RMST: variants seen among roughly 807,000 people sequenced by gnomAD.
The protein encoded by RMST is long intergenic non-protein coding RNA 54.
At chr12:97,513,351 A>G (rs1592716276) in intron 10 of RMST, among the ~76,000 whole-genome samples, 2 of 152,350 alleles carry the variant, frequency 1.3e-5, no homozygotes, top group Middle Eastern at 6.8e-3. Flanking sequence ...AGTTTCATGA[A>G]TAGAGAATGG....
At chr12:97,561,138 C>T (rs1445090385) in intron 13 of RMST, 1 of 152,194 alleles carries the variant, frequency 6.6e-6, no homozygotes, top group Admixed American at 6.5e-5. Flanking sequence ...TATTTCCTAA[C>T]TAAAGAGTGC....
chr12:97,488,200 A>G (rs1876341091), intron 5 of RMST, among the ~76,000 whole-genome samples: 1 of 152,176 alleles, frequency 6.6e-6, no homozygotes, highest in South Asian at 2.1e-4. Context: ...CCTGGCCAAC[A>G]TGGCGAAACC....
intron 11 of RMST, chr12:97,533,689 C>G (rs1489850070): frequency 3.3e-5 from 5 of 151,660 alleles, no homozygotes; most frequent in Admixed American, 3.3e-4. Flanking sequence ...GTCTTAGGTC[C>G]CACCACATAG....
intron 10 of RMST, among the ~76,000 whole-genome samples, chr12:97,512,492 G>C (rs566389732): frequency 6.6e-6 from 1 of 152,138 alleles, no homozygotes; most frequent in Non-Finnish European, 1.5e-5. Flanking sequence ...TGATTGGTGC[G>C]TTTACAATCC....
At chr12:97,525,220 T>C (rs1880967990) in intron 10 of RMST, among the ~76,000 whole-genome samples, 2 of 152,232 alleles carry the variant, frequency 1.3e-5, no homozygotes, top group Admixed American at 1.3e-4. Context: ...ACCAACATTT[T>C]GATGTTTATT....
At chr12:97,512,322 G>C (rs1468681153) in intron 10 of RMST, among the ~76,000 whole-genome samples, 2 of 152,186 alleles carry the variant, frequency 1.3e-5, no homozygotes, top group Non-Finnish European at 2.9e-5. Context: ...GCAGCAGCAA[G>C]ATTTATTGCA....
intron 10 of RMST, among the ~76,000 whole-genome samples, chr12:97,528,861 A>T (rs546192654): frequency 6.6e-6 from 1 of 152,192 alleles, no homozygotes; most frequent in African/African-American, 2.4e-5. Context: ...ATGATAATGG[A>T]TGGGATAGAA....
At chr12:97,497,381 T>C (rs1432116020) in intron 10 of RMST, among the ~76,000 whole-genome samples, 1 of 152,164 alleles carries the variant, frequency 6.6e-6, no homozygotes, top group Non-Finnish European at 1.5e-5. Flanking sequence ...TTTGGGCCCA[T>C]GAGGAATTTT....
rs78745995 is a variant in RMST, at chr12:97,493,650, C to T, written n.900-225C>T. On this transcript the variant is annotated intron_variant and non_coding_transcript_variant, in intron 7 of 13. Coordinates refer to ENST00000640149, the Ensembl canonical transcript of RMST. ...ACCTATAACCAAGAATGCAGCAACC[C>T]GTCAGTTTCCAAGAAAAAGCATATT... is the stretch of plus-strand genomic sequence containing the variant. 1.5e-3 allele frequency among the ~76,000 whole-genome samples: 229 copies of T among 152,174 alleles called. 1 individual carries two copies. The highest frequency in any genetic ancestry group is 5.2e-3 in the African/African-American group (215 of 41,516).
chr12:97,541,214 C>T (rs1882494817), intron 11 of RMST: 1 of 151,452 alleles, frequency 6.6e-6, no homozygotes, highest in Non-Finnish European at 1.5e-5. Context: ...AGCAGCAAGA[C>T]AAGACAAGTA....
chr12:97,520,814 A>T (rs1423114588), intron 10 of RMST, among the ~76,000 whole-genome samples: 2 of 152,208 alleles, frequency 1.3e-5, no homozygotes, highest in Non-Finnish European at 2.9e-5. Flanking sequence ...TCTTTTTAAT[A>T]GACCATATTG....
intron 10 of RMST, among the ~76,000 whole-genome samples, chr12:97,526,624 A>G (rs961804111): frequency 6.6e-6 from 1 of 152,206 alleles, no homozygotes; most frequent in Non-Finnish European, 1.5e-5. Flanking sequence ...GGTAATAATA[A>G]TAATTGAAAA....
At chr12:97,557,862 A>T (rs911271644) in intron 11 of RMST, among the ~76,000 whole-genome samples, 1 of 152,114 alleles carries the variant, frequency 6.6e-6, no homozygotes, top group Non-Finnish European at 1.5e-5. Flanking sequence ...TACTTACCGG[A>T]TGTATCACAG....
intron 11 of RMST, among the ~76,000 whole-genome samples, chr12:97,538,653 G>A (rs773507907): frequency 2.0e-5 from 3 of 151,376 alleles, no homozygotes; most frequent in Non-Finnish European, 4.4e-5. Flanking sequence ...AAGATGCCAC[G>A]AGCTAAATGG....
intron 11 of RMST, among the ~76,000 whole-genome samples, chr12:97,546,186 A>C (rs1013170089): frequency 6.6e-6 from 1 of 152,108 alleles, no homozygotes; most frequent in African/African-American, 2.4e-5. Context: ...TCTGAGGTGC[A>C]TTGCTATTTT....
At chr12:97,523,378 C>T (rs573340767) in intron 10 of RMST, among the ~76,000 whole-genome samples, 4 of 151,944 alleles carry the variant, frequency 2.6e-5, no homozygotes, top group African/African-American at 4.8e-5. Flanking sequence ...TCAAGGGGGA[C>T]GAAGTTATAG....
chr12:97,519,690 A>C (rs575817160), intron 10 of RMST, among the ~76,000 whole-genome samples: 1 of 152,206 alleles, frequency 6.6e-6, no homozygotes, highest in Admixed American at 6.5e-5. Flanking sequence ...TAGCTACAAC[A>C]TAACTTTTTT....
At chr12:97,511,109 T>C (rs997465264) in intron 10 of RMST, among the ~76,000 whole-genome samples, 5 of 152,010 alleles carry the variant, frequency 3.3e-5, no homozygotes, top group Non-Finnish European at 5.9e-5. Flanking sequence ...AAATGTTTAG[T>C]GGGCAATTAT....
chr12:97,536,806 A>T (rs960409640), intron 11 of RMST, among the ~76,000 whole-genome samples: 1 of 151,512 alleles, frequency 6.6e-6, no homozygotes, highest in Non-Finnish European at 1.5e-5. Context: ...GATGCTTTTT[A>T]AAATGATCCA....
Sources: gnomAD v4.1 joint callset for allele counts (sites outside exome capture counted in the v4.1 genomes callset) on GRCh38, gnomAD v4.1.1 for gene constraint, MANE v1.5 for transcripts, NCBI Gene and HGNC (gene_info 2026-07-23, HGNC 2026-07-21) for gene names.